RHOT1: variants seen among roughly 807,000 people sequenced by gnomAD.
RHOT1 encodes mitochondrial Rho GTPase 1.
Under a neutral mutation model 95.3 loss-of-function variants are expected in RHOT1, and 27 were observed. The observed-to-expected ratio is 0.28, with a 90% CI of 0.21 to 0.39. The LOEUF (loss-of-function observed/expected upper bound fraction) is 0.39. RHOT1 is among the 10% of genes least tolerant of loss of function. The probability of loss-of-function intolerance (pLI) is 1.00; values close to 1 mark genes in which losing one functional copy is unlikely to be tolerated. For missense variants in RHOT1, 578 were observed against 786.7 expected, an observed-to-expected ratio of 0.73 and a Z score of 3.17; for synonymous variants, 227 against 263.5, an observed-to-expected ratio of 0.86 and a Z score of 1.34.
At chr17:32,158,264 G>T (rs2033165565) in intron 1 of RHOT1, among the ~76,000 whole-genome samples, 1 of 152,128 alleles carries the variant, frequency 6.6e-6, no homozygotes. Context: ...ACTAATAGTA[G>T]GAGTCTAGAC....
At chr17:32,221,384 AAAAG>A (rs948904186) in intron 19 of RHOT1, among the ~76,000 whole-genome samples, 23 of 151,724 alleles carry the variant, frequency 1.5e-4, no homozygotes, top group East Asian at 1.4e-3. Context: ...AAAAAAAAAA[AAAAG>A]AAAGAAAGAA....
chr17:32,212,798 G>A (rs1249934593), intron 19 of RHOT1, among the ~76,000 whole-genome samples: 2 of 151,866 alleles, frequency 1.3e-5, no homozygotes, highest in South Asian at 2.1e-4. Context: ...TTTGAAGACG[G>A]CCATCATGTC....
intron 1 of RHOT1, among the ~76,000 whole-genome samples, chr17:32,161,392 T>C (rs1313701390): frequency 6.6e-6 from 1 of 152,214 alleles, no homozygotes; most frequent in Admixed American, 6.5e-5. Flanking sequence ...ATGCCAATTG[T>C]AGGCTCTATT....
At position 32,174,989 on chromosome 17, in the gene RHOT1, C is replaced by T. The variant is rs116189794; in HGVS notation, c.179-330C>T. 7.1e-3 allele frequency among the ~76,000 whole-genome samples: 1,087 copies of T among 152,256 alleles called. 20 individuals are homozygous for T. The highest frequency in any genetic ancestry group is 0.025 in the African/African-American group (1,019 of 41,546). ...ATCCTGTGTGTATAGACTCTTTGTC[C>T]GAGCTTCTGACTCTTCAGCACCCAG... On this transcript the variant is annotated intron_variant, in intron 3 of 19. Coordinates refer to ENST00000545287, the MANE Select transcript of RHOT1 (RefSeq NM_001033566.3).
At chr17:32,220,479 G>A (rs1598479539) in intron 19 of RHOT1, among the ~76,000 whole-genome samples, 1 of 152,168 alleles carries the variant, frequency 6.6e-6, no homozygotes, top group African/African-American at 2.4e-5. Context: ...TATAACACGT[G>A]TGAAAAATAT....
intron 16 of RHOT1, 31 bp from the exon 17 acceptor site, chr17:32,206,879 T>TA (rs2037793680): frequency 1.4e-6 from 2 of 1,436,888 alleles, no homozygotes; most frequent in South Asian, 2.4e-5. Flanking sequence ...TTATGATACT[T>TA]ATATTTTTCA....
At chr17:32,207,213 A>G (rs2037820659) in intron 17 of RHOT1, 184 bp downstream of exon 17, 2 of 519,296 alleles carry the variant, frequency 3.9e-6, no homozygotes, top group Non-Finnish European at 3.3e-6. Flanking sequence ...TCAGACATAC[A>G]TATTTCTGAA....
At chr17:32,146,419 A>C (rs960967831) in intron 1 of RHOT1, among the ~76,000 whole-genome samples, 6 of 151,082 alleles carry the variant, frequency 4.0e-5, no homozygotes, top group Non-Finnish European at 7.4e-5. Flanking sequence ...AAATTTGATC[A>C]TTTTTCTGTA....
At chr17:32,172,054 C>T (rs1191551602) in intron 2 of RHOT1, among the ~76,000 whole-genome samples, 1 of 152,028 alleles carries the variant, frequency 6.6e-6, no homozygotes, top group Non-Finnish European at 1.5e-5. Context: ...TTCAAATTAC[C>T]CTCTTTCTTG....
In RHOT1 at chr17:32,194,971, G is replaced by A. The variant is rs555321908; in HGVS notation, c.869+864G>A. Among the ~76,000 whole-genome samples, 6 of 151,708 alleles carry A rather than the reference G, an allele frequency of 4.0e-5. No individual in the cohort carries two copies. The East Asian group carries it at 9.7e-4, about 25-fold the overall frequency. Reference sequence around the variant, plus strand: ...TTCCCAAGTAGCTGGGAATACAGGCGCCCGCCACCATGCCCGGCTAATTTT... The same window carrying A: ...TTCCCAAGTAGCTGGGAATACAGGCACCCGCCACCATGCCCGGCTAATTTT... On this transcript the variant is annotated intron_variant, in intron 11 of 19. Coordinates refer to ENST00000545287, the MANE Select transcript of RHOT1 (RefSeq NM_001033566.3).
chr17:32,187,150 A>G (rs1209178094), intron 8 of RHOT1, among the ~76,000 whole-genome samples: 2 of 152,030 alleles, frequency 1.3e-5, no homozygotes, highest in South Asian at 4.2e-4. Flanking sequence ...AGCTGGGCAT[A>G]TTGGCGCATA....
chr17:32,165,353 A>C (rs1381423998), intron 1 of RHOT1, among the ~76,000 whole-genome samples: 16 of 150,222 alleles, frequency 1.1e-4, no homozygotes, highest in African/African-American at 2.2e-4. Context: ...AAAAAAAAAA[A>C]AAAAAAAAAC....
intron 8 of RHOT1, among the ~76,000 whole-genome samples, chr17:32,186,818 A>G (rs986326321): frequency 1.3e-5 from 2 of 152,106 alleles, no homozygotes; most frequent in Admixed American, 1.3e-4. Context: ...ATGCCACCAC[A>G]CACAGCTAAT....
chr17:32,155,164 CT>C (rs1171371285), intron 1 of RHOT1, among the ~76,000 whole-genome samples: 2 of 151,114 alleles, frequency 1.3e-5, no homozygotes, highest in Non-Finnish European at 3.0e-5. Context: ...AATGCATTCT[CT>C]TTTTTTTTGA....
Position 32,174,231 on chromosome 17 carries a change from G to A in RHOT1, c.178+319G>A, listed in dbSNP as rs547847826. ...AATATAACTGGATTTTGAAGACTTA[G>A]TATGAAAAAAGGATGTAAAATATGT... On this transcript the variant is annotated intron_variant, in intron 3 of 19. Coordinates refer to ENST00000545287, the MANE Select transcript of RHOT1 (RefSeq NM_001033566.3). Among the ~76,000 whole-genome samples the A allele has an allele frequency of 7.9e-5, 12 of 152,158 alleles. 1 individual carries two copies. In the South Asian group the frequency reaches 2.5e-3, roughly 32 times the overall value.
intron 1 of RHOT1, among the ~76,000 whole-genome samples, chr17:32,149,635 A>ATATATATATATGTGTGTGTGTGTG (rs1445281403): frequency 5.1e-5 from 3 of 59,098 alleles, no homozygotes; most frequent in African/African-American, 5.4e-5. Context: ...ATATATATAT[A>ATATATATATATGTGTGTGTGTGTG]TGTGTGTGTG....
At position 32,142,707 on chromosome 17, in the gene RHOT1, G is replaced by T. The variant is rs1206275757; in HGVS notation, c.15G>T (p.Val5=). The part of the protein sequence containing the change: MKKD[V]RILLVGEPRV... ...GAGCCGCCGACATGAAGAAAGACGT[G>T]CGGATCCTGCTGGTGGGAGAACGTG... The change falls in exon 1 of 20, where the codon GTG becomes GTT. Residue 5 remains valine, a synonymous_variant. Transcript: ENST00000545287. 1.3e-6 allele frequency: 2 copies of T among 1,529,756 alleles called. No individual in the cohort carries two copies. The highest frequency in any genetic ancestry group is 4.1e-5 in the Admixed American group (2 of 48,382). The allele number at this position is 1,529,756 out of a possible 1,614,324, so 94.8% of individuals were successfully genotyped here. A position where few individuals can be genotyped will look rare whatever the true frequency, so the allele number is the denominator to read the frequency against.
At chr17:32,200,000 T>C (rs1055893271) in intron 13 of RHOT1, among the ~76,000 whole-genome samples, 2 of 150,650 alleles carry the variant, frequency 1.3e-5, no homozygotes, top group African/African-American at 4.9e-5. Context: ...TGGAGTGTAG[T>C]GGCGTGATCT....
At chr17:32,176,865 C>T (rs2035051343) in intron 6 of RHOT1, among the ~76,000 whole-genome samples, 1 of 152,164 alleles carries the variant, frequency 6.6e-6, no homozygotes, top group African/African-American at 2.4e-5. Flanking sequence ...GCTACTGTGC[C>T]TGGCCTGAAT....
Sources: allele counts gnomAD v4.1 joint callset (sites outside exome capture counted in the v4.1 genomes callset), GRCh38; gene constraint gnomAD v4.1.1; transcripts MANE v1.5; gene names NCBI Gene and HGNC (gene_info 2026-07-23, HGNC 2026-07-21).